THRB: variants seen among roughly 807,000 people sequenced by gnomAD.
The protein encoded by THRB is thyroid hormone receptor beta.
Under a neutral mutation model 47.8 loss-of-function variants are expected in THRB, and 12 were observed. The observed-to-expected ratio is 0.25, with a 90% CI of 0.16 to 0.41. The LOEUF is 0.41. THRB is among the 10% of genes least tolerant of loss of function. THRB has a pLI of 1.00. For synonymous variants in THRB, 218 were observed against 212.2 expected (o/e 1.03, Z -0.24); for missense variants, 348 against 589.2 (o/e 0.59, Z 4.24).
chr3:24,447,394 G>C (rs2072203131), intron 1 of THRB, among the ~76,000 whole-genome samples: 1 of 152,110 alleles, frequency 6.6e-6, no homozygotes. Context: ...AGGTCTAAGT[G>C]AACCTGCAGT....
At chr3:24,239,688 G>T (rs1434947856) in intron 3 of THRB, among the ~76,000 whole-genome samples, 1 of 152,066 alleles carries the variant, frequency 6.6e-6, no homozygotes, top group Non-Finnish European at 1.5e-5. Flanking sequence ...GTCCCTCAAA[G>T]ATGCATATAG....
intron 4 of THRB, among the ~76,000 whole-genome samples, chr3:24,227,159 T>C (rs149130485): frequency 6.6e-6 from 1 of 152,360 alleles, no homozygotes; most frequent in Non-Finnish European, 1.5e-5. Context: ...CAAATTATCA[T>C]GGAGTAGAGA....
intron 3 of THRB, among the ~76,000 whole-genome samples, chr3:24,277,260 C>T (rs1438184478): frequency 6.6e-6 from 1 of 152,104 alleles, no homozygotes; most frequent in Admixed American, 6.6e-5. Context: ...GGAGCGGGTG[C>T]CACGGGCATC....
rs547331946 is a variant in THRB, at chr3:24,280,524, G to T, written c.-43+16702C>A. 7.6e-3 allele frequency among the ~76,000 whole-genome samples: 1,159 copies of T among 152,308 alleles called. 15 individuals carry two copies. Among genetic ancestry groups the T allele is most frequent in the Non-Finnish European group, 0.012 (833 of 68,026 alleles). On this transcript the variant is annotated intron_variant, in intron 3 of 10. Coordinates refer to ENST00000646209, the MANE Select transcript of THRB (RefSeq NM_001354712.2). ...GAAAAACTGGAAACTCTAAAAAGCA[G>T]AGCGCCTCTCCTCCTCCAAAGGAAT...
rs188973808 is a variant in THRB at position 24,272,824 on chromosome 3, C to T, written c.-43+24402G>A. ...CCTTTTCAAACTTCAAATATTCATT[C>T]GCAGGATTATTTTACTCTTCCTATG... On this transcript the variant is annotated intron_variant, in intron 3 of 10. Coordinates refer to ENST00000646209, the MANE Select transcript of THRB (RefSeq NM_001354712.2). 1.7e-4 allele frequency among the ~76,000 whole-genome samples: 26 copies of T among 152,260 alleles called. 1 individual carries two copies. In the South Asian group the frequency reaches 2.3e-3, roughly 13 times the overall value.
At chr3:24,228,762 A>G (rs976425911) in intron 4 of THRB, among the ~76,000 whole-genome samples, 176 bp downstream of exon 4, 5 of 152,150 alleles carry the variant, frequency 3.3e-5, no homozygotes, top group African/African-American at 9.7e-5. Flanking sequence ...TGCATCTTAT[A>G]TCAGAAGAAG....
intron 2 of THRB, among the ~76,000 whole-genome samples, chr3:24,302,539 G>T (rs1292952998): frequency 6.6e-6 from 1 of 152,146 alleles, no homozygotes; most frequent in East Asian, 1.9e-4. Flanking sequence ...CACTCTTCCT[G>T]AACTGGAATG....
intron 3 of THRB, among the ~76,000 whole-genome samples, chr3:24,284,595 C>G (rs950303052): frequency 2.7e-5 from 4 of 148,498 alleles, no homozygotes; most frequent in African/African-American, 1.1e-4. Flanking sequence ...TCTAATTAAA[C>G]TAAAGAGCTT....
chr3:24,301,490 C>T (rs1228217061), intron 2 of THRB, among the ~76,000 whole-genome samples: 1 of 152,192 alleles, frequency 6.6e-6, no homozygotes, highest in Non-Finnish European at 1.5e-5. Context: ...TTGTAAGACA[C>T]CTATCTAGCC....
chr3:24,374,325 C>G (rs2065129002), intron 1 of THRB, among the ~76,000 whole-genome samples: 1 of 151,952 alleles, frequency 6.6e-6, no homozygotes, highest in Non-Finnish European at 1.5e-5. Flanking sequence ...TATTTTTAGA[C>G]AAATATTCAT....
chr3:24,361,387 G>A (rs1375511226), intron 1 of THRB, among the ~76,000 whole-genome samples: 5 of 152,118 alleles, frequency 3.3e-5, no homozygotes, highest in Non-Finnish European at 7.4e-5. Flanking sequence ...GCCCAAAATA[G>A]AGATTGTGAA....
At chr3:24,471,525 CA>C (rs1309023875) in intron 1 of THRB, among the ~76,000 whole-genome samples, 3 of 152,108 alleles carry the variant, frequency 2.0e-5, no homozygotes, top group African/African-American at 7.2e-5. Context: ...TTGGACCCAC[CA>C]TTCCAGTCCC....
intron 3 of THRB, among the ~76,000 whole-genome samples, chr3:24,274,163 A>T (rs1206034851): frequency 1.3e-5 from 2 of 152,134 alleles, no homozygotes; most frequent in Non-Finnish European, 2.9e-5. Context: ...CCTATTATTT[A>T]TTATACTTCT....
chr3:24,197,621 T>A (rs2044109024), intron 4 of THRB, among the ~76,000 whole-genome samples: 1 of 151,054 alleles, frequency 6.6e-6, no homozygotes, highest in East Asian at 1.9e-4. Flanking sequence ...TAAATATTAT[T>A]TGGAAATAAT....
intron 4 of THRB, among the ~76,000 whole-genome samples, chr3:24,207,811 C>A (rs1383523573): frequency 6.6e-6 from 1 of 152,218 alleles, no homozygotes; most frequent in East Asian, 1.9e-4. Flanking sequence ...TCTCTCACCA[C>A]TCCTATTCAA....
At chr3:24,478,808 T>C (rs767555027) in intron 1 of THRB, among the ~76,000 whole-genome samples, 9 of 152,168 alleles carry the variant, frequency 5.9e-5, no homozygotes, top group Non-Finnish European at 1.3e-4. Flanking sequence ...CTATAACTGA[T>C]GAAAAGCTTA....
chr3:24,164,861 A>G (rs940141967), intron 5 of THRB, among the ~76,000 whole-genome samples: 1 of 152,222 alleles, frequency 6.6e-6, no homozygotes, highest in African/African-American at 2.4e-5. Flanking sequence ...CTTGATGTTC[A>G]CAGAGTCCTT....
chr3:24,296,414 T>C (rs957446220), intron 3 of THRB, among the ~76,000 whole-genome samples: 6 of 152,226 alleles, frequency 3.9e-5, no homozygotes, highest in African/African-American at 9.7e-5. Flanking sequence ...TATGGCCACA[T>C]TGTTAGGACG....
At chr3:24,377,274 T>C (rs2065361012) in intron 1 of THRB, among the ~76,000 whole-genome samples, 1 of 152,010 alleles carries the variant, frequency 6.6e-6, no homozygotes, top group Non-Finnish European at 1.5e-5. Flanking sequence ...GCACATTCCA[T>C]TTGGTTCAGC....
Sources: allele counts gnomAD v4.1 joint callset (sites outside exome capture counted in the v4.1 genomes callset), GRCh38; gene constraint gnomAD v4.1.1; transcripts MANE v1.5; gene names NCBI Gene and HGNC (gene_info 2026-07-23, HGNC 2026-07-21).